MIER3: variants seen among roughly 807,000 people sequenced by gnomAD.
MIER3 encodes the protein mesoderm induction early response protein 3.
In MIER3, 9 loss-of-function variants were observed where a neutral mutation model predicts 63.2. That is an observed-to-expected ratio of 0.14 (90% confidence interval 0.09 to 0.25). The LOEUF (loss-of-function observed/expected upper bound fraction) is 0.25. Ranked by LOEUF, MIER3 falls within the 10% of genes least tolerant of loss-of-function variation. The probability of loss-of-function intolerance (pLI) is 1.00; values close to 1 mark genes in which losing one functional copy is unlikely to be tolerated. For synonymous variants in MIER3, 205 were observed against 224.9 expected (o/e 0.91, Z 0.79); for missense variants, 512 against 666.2 (o/e 0.77, Z 2.55).
chr5:56,940,270 C>T (rs1159672114), intron 3 of MIER3, among the ~76,000 whole-genome samples: 2 of 152,330 alleles, frequency 1.3e-5, no homozygotes, highest in Non-Finnish European at 2.9e-5. Flanking sequence ...TTTCTGTATC[C>T]ATCAATTAAG....
rs561839802 is a variant in MIER3, at chr5:56,923,276, C to T, written c.1505G>A (p.Gly502Asp). The change falls in exon 13 of 13, where the codon GGT becomes GAT. Residue 502 changes from glycine (G) to aspartate (D), a missense_variant. Physicochemically the swap from Gly to Asp is moderately conservative, Grantham distance 94. Around this residue, in one of 5 missense-constraint regions of MIER3, gnomAD observed 218 missense variants for 251.2 expected, o/e 0.87. Coordinates refer to ENST00000381199, the MANE Select transcript of MIER3 (RefSeq NM_001297599.2). ...FMNEVSVNNLGVDFENHTHHI... is the reference protein window; with the variant it reads ...FMNEVSVNNLDVDFENHTHHI... Reference sequence around the variant, plus strand: ...ATGTGTGTGATTTTCAAAGTCCACACCCAGGTTATTTACAGAAACTTCATT... The same window carrying T: ...ATGTGTGTGATTTTCAAAGTCCACATCCAGGTTATTTACAGAAACTTCATT... 1.2e-6 allele frequency: 2 copies of T among 1,614,098 alleles called. No homozygotes were observed. Among genetic ancestry groups the T allele is most frequent in the East Asian group, 2.2e-5 (1 of 44,866 alleles).
At chr5:56,949,317 C>T (rs1750935696) in intron 2 of MIER3, among the ~76,000 whole-genome samples, 1 of 152,146 alleles carries the variant, frequency 6.6e-6, no homozygotes, top group East Asian at 1.9e-4. Flanking sequence ...TGCCCCATTG[C>T]ACTCCAGCCT....
chr5:56,938,794 T>TA, intron 4 of MIER3, 89 bp downstream of exon 4: 5 of 1,488,960 alleles, frequency 3.4e-6, no homozygotes, highest in Non-Finnish European at 4.5e-6. Flanking sequence ...AAGTTTACAT[T>TA]TAAGAATTAT....
At chr5:56,935,860 T>C (rs1750424248) in intron 5 of MIER3, 109 bp from the exon 6 acceptor site, 2 of 750,430 alleles carry the variant, frequency 2.7e-6, no homozygotes, top group African/African-American at 3.5e-5. Flanking sequence ...TCAGCATAAG[T>C]ATACTAAACC....
chr5:56,931,327 A>T (rs1164947509), intron 8 of MIER3, among the ~76,000 whole-genome samples: 1 of 152,282 alleles, frequency 6.6e-6, no homozygotes, highest in South Asian at 2.1e-4. Flanking sequence ...AAAGTTAAAT[A>T]ATCTATCTAC....
chr5:56,933,298 T>C lies in MIER3; in HGVS notation c.696A>G (p.Glu232=), dbSNP rs1249852457. The C allele has an allele frequency of 6.2e-7, 1 of 1,613,058 alleles. No homozygotes were observed. The highest frequency in any genetic ancestry group is 8.5e-7 in the Non-Finnish European group (1 of 1,179,620). Residue 232 remains glutamate (E), a synonymous_variant, in exon 8 of 13, where the codon GAA becomes GAG. Transcript: ENST00000381199. ...CTGCAGAAATCCTATCCATTATTTT[T>C]TCACTGCCAGTCCTTAATGAAGTCT... ...LVETSLRTGS[E]KIMDRISAGT... is the part of the protein sequence containing the mutation.
intron 5 of MIER3, among the ~76,000 whole-genome samples, chr5:56,936,349 A>G (rs1418028383): frequency 6.6e-6 from 1 of 152,200 alleles, no homozygotes; most frequent in African/African-American, 2.4e-5. Flanking sequence ...CTAATCCAGG[A>G]GATACACACA....
intron 2 of MIER3, among the ~76,000 whole-genome samples, chr5:56,947,573 T>C (rs1434475370): frequency 6.6e-6 from 1 of 152,196 alleles, no homozygotes; most frequent in Admixed American, 6.5e-5. Context: ...ATCTGCTTTA[T>C]AAAACAAATA....
At chr5:56,950,056 C>CTAGA (rs1444207890) in intron 2 of MIER3, among the ~76,000 whole-genome samples, 1 of 152,196 alleles carries the variant, frequency 6.6e-6, no homozygotes, top group Non-Finnish European at 1.5e-5. Flanking sequence ...AAACACTGTA[C>CTAGA]TAGATGACCT....
chr5:56,925,162 T>C (rs537716270), intron 10 of MIER3, among the ~76,000 whole-genome samples: 1 of 152,206 alleles, frequency 6.6e-6, no homozygotes, highest in Non-Finnish European at 1.5e-5. Flanking sequence ...AAAAATGTCT[T>C]AAATTATACG....
chr5:56,949,253 G>A (rs893729745), intron 2 of MIER3, among the ~76,000 whole-genome samples: 1 of 152,026 alleles, frequency 6.6e-6, no homozygotes, highest in African/African-American at 2.4e-5. Flanking sequence ...AGCCACCTGG[G>A]AGGCTGAGGC....
chr5:56,925,238 A>G (rs1413146620), intron 10 of MIER3: 2 of 364,216 alleles, frequency 5.5e-6, no homozygotes, highest in Non-Finnish European at 1.1e-5. Context: ...TTTCAACATC[A>G]ATACTGGAAG....
At chr5:56,929,024 CTCTG>C in intron 9 of MIER3, 163 bp from the exon 10 acceptor site, 1 of 552,368 alleles carries the variant, frequency 1.8e-6, no homozygotes, top group Non-Finnish European at 3.2e-6. Flanking sequence ...CTCTCTCTCT[CTCTG>C]TATGCAGGAG....
At chr5:56,929,759 G>GT (rs1274714644) in intron 9 of MIER3, among the ~76,000 whole-genome samples, 3 of 152,246 alleles carry the variant, frequency 2.0e-5, no homozygotes, top group African/African-American at 7.2e-5. Context: ...GGTGAATTCC[G>GT]TATCTACTTG....
At position 56,922,896 on chromosome 5, in the gene MIER3, C is replaced by T. The variant is rs1579828285; in HGVS notation, c.*232G>A. The T allele has an allele frequency of 1.9e-6, 1 of 516,184 alleles. No homozygotes were observed. The highest frequency in any genetic ancestry group is 3.5e-6 in the Non-Finnish European group (1 of 286,292). 32.0% of individuals were successfully genotyped at this position (516,184 alleles called of 1,614,324 possible). ...AAGAGAGAAGCAGAGCTTAAAGCTG[C>T]ACCACAGAGTTCAATCTTAGTTCCC... On this transcript the variant is annotated 3_prime_UTR_variant, in exon 13 of 13. Transcript: ENST00000381199.
rs1210320264 is a variant in MIER3 at position 56,920,592 on chromosome 5, A to G, written c.*2536T>C. Reference sequence around the variant, plus strand: ...AATGCAATTCTTTTAATAAACAGTAACAAATTCTCTGTTAAGATGTTTAAA... The same window carrying G: ...AATGCAATTCTTTTAATAAACAGTAGCAAATTCTCTGTTAAGATGTTTAAA... On this transcript the variant is annotated 3_prime_UTR_variant, in exon 13 of 13. Transcript: ENST00000381199. The G allele has an allele frequency of 6.6e-6, 1 of 152,582 alleles. No individual in the cohort carries two copies. The highest frequency in any genetic ancestry group is 1.9e-4 in the East Asian group (1 of 5,204). 9.5% of individuals were successfully genotyped at this position (152,582 alleles called of 1,614,324 possible). A position where few individuals can be genotyped will look rare whatever the true frequency, so the allele number is the denominator to read the frequency against.
intron 7 of MIER3, 144 bp downstream of exon 7, chr5:56,935,284 G>T: frequency 1.5e-6 from 1 of 658,786 alleles, no homozygotes; most frequent in Non-Finnish European, 2.6e-6. Flanking sequence ...TTTTTCCTAA[G>T]TCAGGCCTAA....
Position 56,923,432 on chromosome 5 carries a change from C to A in MIER3, c.1349G>T (p.Ser450Ile). 6.2e-7 allele frequency: 1 copy of A among 1,614,188 alleles called. No individual in the cohort carries two copies. Among genetic ancestry groups the A allele is most frequent in the East Asian group, 2.2e-5 (1 of 44,888 alleles). Residue 450 changes from serine to isoleucine, a missense_variant, in exon 13 of 13, where the codon AGT becomes ATT. By Grantham distance (142) the Ser-to-Ile change is moderately radical. Transcript: ENST00000381199. ...ELLTLPSNGE[S>I]DCFNLFETGF... ...AGTCTCAAATAAATTAAAACAATCA[C>A]TTTCCCCATTGCTGGGCAGGGTGAG... is the stretch of plus-strand genomic sequence containing the variant.
intron 8 of MIER3, among the ~76,000 whole-genome samples, chr5:56,930,997 CT>C (rs11326963): frequency 0.79 from 119,502 of 152,056 alleles, 47,390 homozygotes; most frequent in Non-Finnish European, 0.84. Context: ...TCATTCTTGA[CT>C]TTTTTTTAAA....
Sources: allele counts gnomAD v4.1 joint callset (sites outside exome capture counted in the v4.1 genomes callset), GRCh38; gene constraint gnomAD v4.1.1; regional missense constraint gnomAD v4.1.1; transcripts MANE v1.5; gene names NCBI Gene and HGNC (gene_info 2026-07-23, HGNC 2026-07-21).